SREK1: variants seen among roughly 807,000 people sequenced by gnomAD.
The protein encoded by SREK1 is splicing regulatory glutamine/lysine-rich protein 1.
SREK1 carries 13 observed loss-of-function variants against 66.5 expected under a neutral mutation model. The ratio of observed to expected loss-of-function variants is 0.20; its 90% confidence interval spans 0.13 to 0.31. The LOEUF is 0.31. Among genes scored for constraint, SREK1 ranks in the 10% least tolerant of loss-of-function variants. The pLI, the probability that SREK1 is intolerant of heterozygous loss-of-function variation, is 1.00. For synonymous variants in SREK1, 265 were observed against 263.5 expected (o/e 1.01, Z -0.05); for missense variants, 607 against 769.6 (o/e 0.79, Z 2.50).
intron 3 of SREK1, among the ~76,000 whole-genome samples, chr5:66,160,724 C>T (rs761325412): frequency 3.9e-5 from 6 of 152,200 alleles, no homozygotes; most frequent in South Asian, 2.1e-4. Context: ...CATAAACTTC[C>T]GTTTTCACCA....
intron 7 of SREK1, chr5:66,169,151 C>T (rs946382862): frequency 6.6e-6 from 1 of 152,120 alleles, no homozygotes; most frequent in African/African-American, 2.4e-5. Context: ...TAGGATACCT[C>T]GTTATGAAAA....
At chr5:66,169,135 A>G (rs987100755) in intron 7 of SREK1, 3 of 152,232 alleles carry the variant, frequency 2.0e-5, no homozygotes, top group African/African-American at 7.2e-5. Context: ...CAATTTAATA[A>G]GCAGTTAGGA....
intron 2 of SREK1, chr5:66,156,219 G>T: frequency 1.5e-6 from 2 of 1,294,052 alleles, no homozygotes; most frequent in South Asian, 2.6e-5. Context: ...GTTTTTTATT[G>T]TTTTACTTTA....
Position 66,178,943 on chromosome 5 carries a change from C to A in SREK1, c.*75C>A. 1 of 1,404,066 alleles carries A rather than the reference C, an allele frequency of 7.1e-7. No individual in the cohort carries two copies. The highest frequency in any genetic ancestry group is 9.4e-7 in the Non-Finnish European group (1 of 1,063,244). The allele number at this position is 1,404,066 out of a possible 1,614,324, so 87.0% of individuals were successfully genotyped here. A position where few individuals can be genotyped will look rare whatever the true frequency, so the allele number is the denominator to read the frequency against. ...TTTAATTCTCTCAACAAGATGTAAACAGGAAAGAAATCTAGTTGAGCATGA... is the reference window on the plus strand; with the variant it reads ...TTTAATTCTCTCAACAAGATGTAAAAAGGAAAGAAATCTAGTTGAGCATGA... On this transcript the variant is annotated 3_prime_UTR_variant, in exon 12 of 12. Coordinates refer to ENST00000334121, the MANE Select transcript of SREK1 (RefSeq NM_001077199.3).
At chr5:66,164,552 A>C (rs1395061748) in intron 6 of SREK1, 4 of 1,467,482 alleles carry the variant, frequency 2.7e-6, no homozygotes, top group Non-Finnish European at 3.6e-6. Flanking sequence ...TTACGGCAGC[A>C]ACAAAATATT....
chr5:66,145,114 T>TA, intron 1 of SREK1: 1 of 985,662 alleles, frequency 1.0e-6, no homozygotes. Flanking sequence ...TCATGTCTGT[T>TA]AGCCCTTTTG....
rs1182783815 is a variant in SREK1 at position 66,175,044 on chromosome 5, A to C, written c.1580+3A>C. ...TCTAGATCTCCGTCCCCCAGGAGGT[A>C]GGTTGGGAGCTTGTGCTAAAACTAA... On this transcript the variant is annotated splice_donor_region_variant and intron_variant, in intron 10 of 11. Coordinates refer to ENST00000334121, the MANE Select transcript of SREK1 (RefSeq NM_001077199.3). 5 of 1,609,406 alleles carry C rather than the reference A, an allele frequency of 3.1e-6. No homozygotes were observed. The highest frequency in any genetic ancestry group is 4.2e-6 in the Non-Finnish European group (5 of 1,177,456).
rs1356567829 is a variant in SREK1 at position 66,144,478 on chromosome 5, G to A, written c.102G>A (p.Gln34=). Residue 34 remains glutamine, a synonymous_variant, in exon 1 of 12, where the codon CAG becomes CAA. Coordinates refer to ENST00000334121, the MANE Select transcript of SREK1 (RefSeq NM_001077199.3). ...TGTCGTCGGCGGTGACCAGCGAGCA[G>A]ATGCGGACGCTTTTTTCCTTCCTAG... ...TNLSSAVTSE[Q]MRTLFSFLGE... 6.4e-7 allele frequency: 1 copy of A among 1,553,356 alleles called. No homozygotes were observed. Among genetic ancestry groups the A allele is most frequent in the Admixed American group, 1.9e-5 (1 of 51,308 alleles).
At chr5:66,177,336 G>A in intron 10 of SREK1, 178 bp from the exon 11 acceptor site, 1 of 499,976 alleles carries the variant, frequency 2.0e-6, no homozygotes. Context: ...ACTGGGGTAA[G>A]GGTGGGGTAG....
At chr5:66,149,822 GAA>G (rs1580617087) in intron 1 of SREK1, among the ~76,000 whole-genome samples, 2 of 152,266 alleles carry the variant, frequency 1.3e-5, no homozygotes, top group East Asian at 3.9e-4. Context: ...GGTACATCGA[GAA>G]GAGACATTAT....
intron 9 of SREK1, among the ~76,000 whole-genome samples, chr5:66,171,942 G>A (rs530732253): frequency 3.9e-5 from 6 of 152,314 alleles, no homozygotes; most frequent in Non-Finnish European, 8.8e-5. Flanking sequence ...CGCTCTGTAT[G>A]AGAAGTATAG....
chr5:66,162,672 C>A, intron 5 of SREK1, 80 bp downstream of exon 5: 1 of 1,365,784 alleles, frequency 7.3e-7, no homozygotes, highest in Non-Finnish European at 9.8e-7. Context: ...CTTTTTTTTT[C>A]TTTTTAATAG....
intron 6 of SREK1, chr5:66,164,253 A>G (rs1482516826): frequency 3.5e-6 from 1 of 284,658 alleles, no homozygotes; most frequent in African/African-American, 2.2e-5. Context: ...ACGACTCAGC[A>G]GGTTTACTTT....
intron 1 of SREK1, among the ~76,000 whole-genome samples, chr5:66,151,345 C>T (rs1370366829): frequency 6.6e-6 from 1 of 152,100 alleles, no homozygotes; most frequent in Non-Finnish European, 1.5e-5. Flanking sequence ...CTGACCAAAG[C>T]AGGTTACATG....
At chr5:66,171,219 C>T (rs1745619200) in intron 9 of SREK1, among the ~76,000 whole-genome samples, 1 of 152,064 alleles carries the variant, frequency 6.6e-6, no homozygotes, top group East Asian at 1.9e-4. Flanking sequence ...GGTGGGATGG[C>T]AGGGAAAGGT....
chr5:66,145,791 G>GT (rs1743138516), intron 1 of SREK1, among the ~76,000 whole-genome samples: 1 of 145,490 alleles, frequency 6.9e-6, no homozygotes, highest in Admixed American at 7.3e-5. Context: ...TATGTAATTA[G>GT]ATAACACTGT....
At position 66,183,502 on chromosome 5, in the gene SREK1, AGGT is replaced by A. The variant is rs1746665194; in HGVS notation, c.*4641_*4643del. Reference sequence around the variant, plus strand: ...GAATGTAAACATAAACATGCTGCATAGGTGGTGGTTATTTGTGAGTAGGACTAC... The same window carrying A: ...GAATGTAAACATAAACATGCTGCATAGGTGGTTATTTGTGAGTAGGACTAC... On this transcript the variant is annotated 3_prime_UTR_variant, in exon 12 of 12. Coordinates refer to ENST00000334121, the MANE Select transcript of SREK1 (RefSeq NM_001077199.3). The A allele has an allele frequency of 1.3e-5, 2 of 152,190 alleles. No individual in the cohort carries two copies. Among genetic ancestry groups the A allele is most frequent in the Admixed American group, 6.5e-5 (1 of 15,276 alleles). 9.4% of individuals were successfully genotyped at this position (152,190 alleles called of 1,614,324 possible). A position where few individuals can be genotyped will look rare whatever the true frequency, so the allele number is the denominator to read the frequency against.
intron 1 of SREK1, among the ~76,000 whole-genome samples, chr5:66,147,891 CTGT>C (rs1025452003): frequency 1.6e-4 from 24 of 150,278 alleles, no homozygotes; most frequent in Admixed American, 7.3e-4. Flanking sequence ...AGGAATCACA[CTGT>C]TATTTTACTT....
chr5:66,170,801 CAA>C lies in SREK1; in HGVS notation c.1340_1341del (p.Lys447ArgfsTer22), dbSNP rs750294608. On this transcript the variant is annotated frameshift_variant, in exon 9 of 12. Coordinates refer to ENST00000334121, the MANE Select transcript of SREK1 (RefSeq NM_001077199.3). LOFTEE classifies it high-confidence loss of function. ...REKEHEKDRD[K>X]EKEKEQDKEK... ...AAAAAGAGCATGAGAAGGATCGAGA[CAA>C]AGAGAAGGAAAAGGAACAGGACAAA... 2 of 1,608,868 alleles carry C rather than the reference CAA, an allele frequency of 1.2e-6. No individual in the cohort carries two copies. The highest frequency in any genetic ancestry group is 1.7e-6 in the Non-Finnish European group (2 of 1,177,870).
Sources: gnomAD v4.1 joint callset for allele counts (sites outside exome capture counted in the v4.1 genomes callset) on GRCh38, gnomAD v4.1.1 for gene constraint, MANE v1.5 for transcripts, NCBI Gene and HGNC (gene_info 2026-07-23, HGNC 2026-07-21) for gene names.